Variants in SEZ6L observed in about 807,000 individuals in gnomAD.
SEZ6L encodes the protein seizure 6-like protein.
In SEZ6L, 37 loss-of-function variants were observed where a neutral mutation model predicts 106.2. The ratio of observed to expected loss-of-function variants is 0.35; its 90% CI spans 0.27 to 0.46. SEZ6L has a LOEUF of 0.46. Ranked by LOEUF, SEZ6L falls within the 20% of genes least tolerant of loss-of-function variation. SEZ6L has a pLI of 1.00. For synonymous variants in SEZ6L, 541 were observed against 570.4 expected, an observed-to-expected ratio of 0.95 and a Z score of 0.73; for missense variants, 1,172 against 1,332.8, an observed-to-expected ratio of 0.88 and a Z score of 1.88.
At chr22:26,361,343 C>CATAAA (rs2083618078) in intron 12 of SEZ6L, among the ~76,000 whole-genome samples, 1 of 133,396 alleles carries the variant, frequency 7.5e-6, no homozygotes. Flanking sequence ...ACTAAAAATA[C>CATAAA]AAAAACAAAA....
chr22:26,299,203 G>A (rs1317261804), intron 5 of SEZ6L, 34 bp downstream of exon 5: 1 of 1,345,600 alleles, frequency 7.4e-7, no homozygotes. Flanking sequence ...CAAACCTGAT[G>A]GTCCAACTAA....
At chr22:26,198,888 G>C (rs976104240) in intron 1 of SEZ6L, among the ~76,000 whole-genome samples, 3 of 152,194 alleles carry the variant, frequency 2.0e-5, no homozygotes, top group Non-Finnish European at 2.9e-5. Flanking sequence ...TGGCCACCTG[G>C]AATATACTGC....
rs79774768 is a variant in SEZ6L at position 26,344,193 on chromosome 22, G to A, written c.2213-3526G>A. Reference sequence around the variant, plus strand: ...TTTATCTGCTATGATTGCAATTAGAGCCTTCCACAGGAAGACTCTGGGCCT... The same window carrying A: ...TTTATCTGCTATGATTGCAATTAGAACCTTCCACAGGAAGACTCTGGGCCT... On this transcript the variant is annotated intron_variant, in intron 10 of 16. Coordinates refer to ENST00000248933, the MANE Select transcript of SEZ6L (RefSeq NM_021115.5). Among the ~76,000 whole-genome samples, 452 of 152,312 alleles carry A rather than the reference G, an allele frequency of 3.0e-3. 4 individuals carry two copies. Among genetic ancestry groups the A allele is most frequent in the African/African-American group, 0.01 (433 of 41,578 alleles).
intron 3 of SEZ6L, among the ~76,000 whole-genome samples, chr22:26,295,599 C>A (rs1336938067): frequency 5.3e-5 from 8 of 152,124 alleles, no homozygotes; most frequent in Admixed American, 4.6e-4. Context: ...AGAAAACCTG[C>A]AGTCCAGATT....
At chr22:26,366,485 G>A (rs1240517142) in intron 13 of SEZ6L, among the ~76,000 whole-genome samples, 1 of 151,992 alleles carries the variant, frequency 6.6e-6, no homozygotes, top group Non-Finnish European at 1.5e-5. Context: ...CTTGAGCCGG[G>A]GAGTTTGAGA....
At chr22:26,325,674 CT>C (rs562321378) in intron 9 of SEZ6L, among the ~76,000 whole-genome samples, 198 of 152,298 alleles carry the variant, frequency 1.3e-3, no homozygotes, top group African/African-American at 4.6e-3. Context: ...CACTGAGTGG[CT>C]GTGTGACCTT....
intron 1 of SEZ6L, among the ~76,000 whole-genome samples, chr22:26,273,928 G>C (rs142685944): frequency 9.9e-5 from 15 of 151,944 alleles, no homozygotes; most frequent in Non-Finnish European, 1.8e-4. Flanking sequence ...TAGACCTGGC[G>C]TGGACAGAGT....
At chr22:26,324,091 CACACACACACAA>C (rs1569463204) in intron 9 of SEZ6L, among the ~76,000 whole-genome samples, 3 of 149,376 alleles carry the variant, frequency 2.0e-5, no homozygotes, top group African/African-American at 7.6e-5. Context: ...CACACACACA[CACACACACACAA>C]ACACACACAC....
At chr22:26,231,938 A>G (rs2145747059) in intron 1 of SEZ6L, among the ~76,000 whole-genome samples, 1 of 152,278 alleles carries the variant, frequency 6.6e-6, no homozygotes, top group South Asian at 2.1e-4. Flanking sequence ...GACATGAGGG[A>G]CATGCAAGTG....
chr22:26,371,005 CAAA>C (rs59911432), intron 13 of SEZ6L, among the ~76,000 whole-genome samples: 2,227 of 109,966 alleles, frequency 0.02, 36 homozygotes, highest in African/African-American at 0.067. Flanking sequence ...CCCTGTATCA[CAAA>C]AAAAAAAAAA....
intron 1 of SEZ6L, among the ~76,000 whole-genome samples, chr22:26,200,904 A>G (rs1940898724): frequency 6.6e-6 from 1 of 152,000 alleles, no homozygotes; most frequent in African/African-American, 2.4e-5. Flanking sequence ...GCCTTTGTTC[A>G]AGCTGGACCT....
At chr22:26,218,962 GAAAAGAA>G (rs965221528) in intron 1 of SEZ6L, among the ~76,000 whole-genome samples, 2 of 152,068 alleles carry the variant, frequency 1.3e-5, no homozygotes, top group African/African-American at 4.8e-5. Flanking sequence ...GAAAAGAAAC[GAAAAGAA>G]AAAAGAAAAA....
At chr22:26,352,622 T>C (rs1424861611) in intron 12 of SEZ6L, among the ~76,000 whole-genome samples, 1 of 152,206 alleles carries the variant, frequency 6.6e-6, no homozygotes, top group South Asian at 2.1e-4. Flanking sequence ...ACTCTACGAT[T>C]TAGACGAGCA....
At chr22:26,196,646 T>G (rs996994291) in intron 1 of SEZ6L, among the ~76,000 whole-genome samples, 4 of 152,188 alleles carry the variant, frequency 2.6e-5, no homozygotes, top group Admixed American at 6.5e-5. Flanking sequence ...TCACTTTGAC[T>G]GCTGGGTGGA....
At chr22:26,191,131 GTC>G (rs561476349) in intron 1 of SEZ6L, among the ~76,000 whole-genome samples, 14 of 152,280 alleles carry the variant, frequency 9.2e-5, no homozygotes, top group Non-Finnish European at 1.9e-4. Context: ...TCCATGCCAG[GTC>G]TCTCTAAGAG....
At chr22:26,253,653 T>A (rs1354594249) in intron 1 of SEZ6L, among the ~76,000 whole-genome samples, 2 of 152,252 alleles carry the variant, frequency 1.3e-5, no homozygotes, top group Non-Finnish European at 2.9e-5. Context: ...TATTATTTAG[T>A]TGAACTATTT....
At chr22:26,316,939 A>AAAAAGAAAGAAAG (rs2082021718) in intron 9 of SEZ6L, among the ~76,000 whole-genome samples, 1 of 60,262 alleles carries the variant, frequency 1.7e-5, no homozygotes, top group Non-Finnish European at 3.7e-5. Flanking sequence ...AAGAAAGAAA[A>AAAAAGAAAGAAAG]GAAAGAAAGG....
At chr22:26,321,236 G>A (rs972792148) in intron 9 of SEZ6L, among the ~76,000 whole-genome samples, 1 of 152,322 alleles carries the variant, frequency 6.6e-6, no homozygotes, top group East Asian at 1.9e-4. Context: ...CTGAGGCTCG[G>A]GGTGGTGGGA....
rs752071300 is a variant in SEZ6L, at chr22:26,286,957, A to G, written c.95-5449A>G. 1.8e-4 allele frequency among the ~76,000 whole-genome samples: 28 copies of G among 151,848 alleles called. 1 individual carries two copies. In the Middle Eastern group the frequency reaches 0.014, roughly 74 times the overall value. ...GAGACAGGATTTCACAATATTGGCC[A>G]AGCTGGTTTCCAACTCCTGACCTCA... On this transcript the variant is annotated intron_variant, in intron 1 of 16. Coordinates refer to ENST00000248933, the MANE Select transcript of SEZ6L (RefSeq NM_021115.5).
Sources: allele counts gnomAD v4.1 joint callset (sites outside exome capture counted in the v4.1 genomes callset), GRCh38; gene constraint gnomAD v4.1.1; transcripts MANE v1.5; gene names NCBI Gene and HGNC (gene_info 2026-07-23, HGNC 2026-07-21).